Variants in EHMT1 observed in about 807,000 individuals in gnomAD.
The protein encoded by EHMT1 is euchromatic histone lysine methyltransferase 1, also known as histone-lysine N-methyltransferase EHMT1.
In EHMT1, 15 loss-of-function variants were observed where a neutral mutation model predicts 147.2. That is an observed-to-expected ratio of 0.10 (90% CI 0.07 to 0.16). EHMT1 has a LOEUF of 0.16. Ranked by LOEUF, EHMT1 falls within the 10% of genes least tolerant of loss-of-function variation. The pLI is 1.00. For synonymous variants in EHMT1, 795 were observed against 709.6 expected (o/e 1.12, Z -1.91); for missense variants, 1,587 against 1,772.4 (o/e 0.90, Z 1.88).
At chr9:137,699,190 A>T (rs139394386) in intron 1 of EHMT1, among the ~76,000 whole-genome samples, 15 of 152,328 alleles carry the variant, frequency 9.8e-5, no homozygotes, top group African/African-American at 3.6e-4. Context: ...AATAATTTAT[A>T]CTGTAGGTAT....
Position 137,834,853 on chromosome 9 carries a change from C to T in EHMT1, c.3797C>T (p.Ser1266Leu). The T allele has an allele frequency of 1.2e-6, 2 of 1,612,036 alleles. No homozygotes were observed. Among genetic ancestry groups the T allele is most frequent in the Non-Finnish European group, 1.7e-6 (2 of 1,179,556 alleles). The change falls in exon 27 of 27, where the codon TCG (serine) becomes TTG (leucine). Residue 1266 changes from serine to leucine, a missense_variant. By Grantham distance (145) the Ser-to-Leu change is moderately radical. Coordinates refer to ENST00000460843, the MANE Select transcript of EHMT1 (RefSeq NM_024757.5). ...TGCGGCTCCCCCAAGTGCCGGCACTCGAGCGCGGCCCTGGCCCAGCGTCAG... is the reference window on the plus strand; with the variant it reads ...TGCGGCTCCCCCAAGTGCCGGCACTTGAGCGCGGCCCTGGCCCAGCGTCAG... ...CRCGSPKCRH[S>L]SAALAQRQAS... is the part of the protein sequence containing the mutation.
At chr9:137,750,097 C>T (rs546444986) in intron 6 of EHMT1, among the ~76,000 whole-genome samples, 1 of 152,338 alleles carries the variant, frequency 6.6e-6, no homozygotes, top group African/African-American at 2.4e-5. Context: ...AAACATCTAG[C>T]AAAATCAGCT....
At chr9:137,829,166 T>G (rs934155482) in intron 25 of EHMT1, among the ~76,000 whole-genome samples, 1 of 152,198 alleles carries the variant, frequency 6.6e-6, no homozygotes, top group African/African-American at 2.4e-5. Context: ...GCGGCAGCAC[T>G]TTCTCCACAC....
Position 137,743,464 on chromosome 9 carries a change from T to C in EHMT1, c.917T>C (p.Val306Ala). 6.2e-7 allele frequency: 1 copy of C among 1,613,866 alleles called. No homozygotes were observed. The highest frequency in any genetic ancestry group is 8.5e-7 in the Non-Finnish European group (1 of 1,180,006). The change falls in exon 5 of 27, where the codon GTA (valine) becomes GCA (alanine). Residue 306 changes from valine to alanine, a missense_variant. Physicochemically the swap from Val to Ala is moderately conservative, Grantham distance 64. This residue lies in a region of EHMT1 where 810 missense variants were observed against 673.0 expected (regional missense o/e 1.20). Transcript: ENST00000460843. ...CTGGTTCCTAAGAAAAAGACCAAAG[T>C]ATTAAAACAGAGGACGGTGATTGAG... Reference protein sequence around the residue: ...YSLVPKKKTKVLKQRTVIEMF... With the variant: ...YSLVPKKKTKALKQRTVIEMF...
chr9:137,800,652 G>A (rs538694641), intron 17 of EHMT1: 15 of 580,514 alleles, frequency 2.6e-5, no homozygotes, highest in South Asian at 1.4e-4. Context: ...AGGGTTGTTG[G>A]GCCTGGGCCA....
intron 16 of EHMT1, chr9:137,795,265 A>G (rs1420348985): frequency 1.3e-5 from 2 of 152,206 alleles, no homozygotes; most frequent in Non-Finnish European, 2.9e-5. Context: ...GACATTTAAG[A>G]AAGATTAATA....
chr9:137,740,600 G>A (rs964182567), intron 4 of EHMT1, among the ~76,000 whole-genome samples: 5 of 152,280 alleles, frequency 3.3e-5, no homozygotes, highest in Admixed American at 2.0e-4. Flanking sequence ...CTTCAGCCAC[G>A]TGCTCAAACA....
chr9:137,655,104 G>T (rs764830936), intron 1 of EHMT1, among the ~76,000 whole-genome samples: 3 of 151,848 alleles, frequency 2.0e-5, no homozygotes, highest in Non-Finnish European at 4.4e-5. Context: ...GTTCAAAAGA[G>T]TCTCCTGCCT....
At chr9:137,663,879 T>C (rs1392106785) in intron 1 of EHMT1, among the ~76,000 whole-genome samples, 1 of 152,246 alleles carries the variant, frequency 6.6e-6, no homozygotes, top group East Asian at 1.9e-4. Flanking sequence ...TTTGCTAGTA[T>C]ATCTGTAGAG....
intron 1 of EHMT1, among the ~76,000 whole-genome samples, chr9:137,686,021 T>C (rs1679546731): frequency 6.6e-6 from 1 of 152,194 alleles, no homozygotes; most frequent in Admixed American, 6.5e-5. Flanking sequence ...CAGGTGGCAC[T>C]CCCAGTTCAG....
chr9:137,657,778 C>T (rs1390467105), intron 1 of EHMT1, among the ~76,000 whole-genome samples: 1 of 151,868 alleles, frequency 6.6e-6, no homozygotes, highest in African/African-American at 2.4e-5. Flanking sequence ...GTTTTGTGCC[C>T]ATGAACCATT....
intron 1 of EHMT1, among the ~76,000 whole-genome samples, chr9:137,701,013 A>G (rs943873622): frequency 2.0e-5 from 3 of 152,128 alleles, no homozygotes; most frequent in African/African-American, 7.2e-5. Context: ...AAGCAGGCAT[A>G]TTTTCACATG....
chr9:137,709,666 CTCT>C (rs987535061), intron 1 of EHMT1, among the ~76,000 whole-genome samples: 18 of 114,672 alleles, frequency 1.6e-4, no homozygotes, highest in African/African-American at 6.2e-4. Context: ...TTTTTGCAGC[CTCT>C]TCTTACCTGT....
chr9:137,817,335 T>C (rs1025338228), intron 23 of EHMT1, 104 bp from the exon 24 acceptor site: 52 of 1,312,786 alleles, frequency 4.0e-5, no homozygotes, highest in Admixed American at 5.2e-5. Context: ...CAGAACCAGT[T>C]TTCTTCCTCA....
intron 1 of EHMT1, among the ~76,000 whole-genome samples, chr9:137,656,509 C>G (rs1262768564): frequency 6.6e-6 from 1 of 152,250 alleles, no homozygotes; most frequent in East Asian, 1.9e-4. Context: ...CTAATCAACA[C>G]AGGCTCCTGG....
intron 16 of EHMT1, among the ~76,000 whole-genome samples, chr9:137,793,034 G>T (rs1437148020): frequency 1.3e-5 from 2 of 152,118 alleles, no homozygotes; most frequent in African/African-American, 4.8e-5. Context: ...CCCTCAGTAC[G>T]ATCTGTTGAA....
At position 137,822,642 on chromosome 9, in the gene EHMT1, C is replaced by T. The variant is rs549787917; in HGVS notation, c.3540+4504C>T. 3.6e-3 allele frequency among the ~76,000 whole-genome samples: 548 copies of T among 152,244 alleles called. 4 individuals carry two copies. The highest frequency in any genetic ancestry group is 0.031 in the Middle Eastern group (9 of 294). On this transcript the variant is annotated intron_variant, in intron 25 of 26. Transcript: ENST00000460843. ...GGGCGCAGTGGCTCACGCCTGTAATCCCAGCACTTTGGAAGGCCGAGGCGG... is the reference window on the plus strand; with the variant it reads ...GGGCGCAGTGGCTCACGCCTGTAATTCCAGCACTTTGGAAGGCCGAGGCGG...
chr9:137,801,868 G>A (rs1953521194), intron 18 of EHMT1, among the ~76,000 whole-genome samples: 1 of 152,154 alleles, frequency 6.6e-6, no homozygotes, highest in African/African-American at 2.4e-5. Context: ...CCTGACCTCA[G>A]GTGATCTGCC....
intron 2 of EHMT1, among the ~76,000 whole-genome samples, chr9:137,714,227 G>C (rs1944997464): frequency 6.6e-6 from 1 of 152,216 alleles, no homozygotes; most frequent in African/African-American, 2.4e-5. Flanking sequence ...ATCTTAGGGA[G>C]AGAGCTTCCC....
Sources: gnomAD v4.1 joint callset for allele counts (sites outside exome capture counted in the v4.1 genomes callset) on GRCh38, gnomAD v4.1.1 for gene constraint, gnomAD v4.1.1 regional missense constraint, MANE v1.5 for transcripts, NCBI Gene and HGNC (gene_info 2026-07-23, HGNC 2026-07-21) for gene names.